Variants in ZNF383 observed in about 807,000 individuals in gnomAD.
ZNF383 encodes the protein zinc finger protein 383.
ZNF383 carries 32 observed loss-of-function variants against 44.2 expected under a neutral mutation model. The observed-to-expected ratio is 0.72, with a 90% CI of 0.55 to 0.97. The LOEUF (loss-of-function observed/expected upper bound fraction) is 0.97. Ranked by LOEUF, ZNF383 falls within the 50% of genes least tolerant of loss-of-function variation. The pLI is 0.00. For missense variants in ZNF383, 487 were observed against 562.5 expected, an observed-to-expected ratio of 0.87 and a Z score of 1.36; for synonymous variants, 155 against 186.2, an observed-to-expected ratio of 0.83 and a Z score of 1.36.
chr19:37,228,437 T>A (rs1337875907), intron 2 of ZNF383, among the ~76,000 whole-genome samples: 1 of 151,056 alleles, frequency 6.6e-6, no homozygotes, highest in Non-Finnish European at 1.5e-5. Flanking sequence ...ATAATTATAA[T>A]TTATTTTTAG....
Position 37,245,736 on chromosome 19 carries a change from G to A in ZNF383, c.*2072G>A, listed in dbSNP as rs1038381283. ...GATCCACCCACCTCGGCCTCCCAAA[G>A]TTCGGGGATTACAGGTGTGAGCCAC... On this transcript the variant is annotated 3_prime_UTR_variant, in exon 6 of 6. Transcript: ENST00000684119. 1 of 151,920 alleles carries A rather than the reference G, an allele frequency of 6.6e-6. No homozygotes were observed. The highest frequency in any genetic ancestry group is 1.5e-5 in the Non-Finnish European group (1 of 68,042). The allele number at this position is 151,920 out of a possible 1,614,324, so 9.4% of individuals were successfully genotyped here. A position where few individuals can be genotyped will look rare whatever the true frequency, so the allele number is the denominator to read the frequency against.
intron 5 of ZNF383, among the ~76,000 whole-genome samples, chr19:37,238,328 T>C (rs1029133801): frequency 1.4e-4 from 21 of 149,602 alleles, no homozygotes; most frequent in Non-Finnish European, 1.2e-4. Flanking sequence ...ATATATCACT[T>C]ACATTTATCT....
In ZNF383 at chr19:37,243,846, G is replaced by A. The variant is rs150462324; in HGVS notation, c.*182G>A. 2.9e-4 allele frequency: 137 copies of A among 468,418 alleles called. No individual in the cohort carries two copies. Among genetic ancestry groups the A allele is most frequent in the African/African-American group, 2.0e-3 (103 of 51,078 alleles). The allele number at this position is 468,418 out of a possible 1,614,324, so 29.0% of individuals were successfully genotyped here. A position where few individuals can be genotyped will look rare whatever the true frequency, so the allele number is the denominator to read the frequency against. ...TCCCTCTCTCCCCCAGTCATATACC[G>A]ATGCCAGCTGTTCTATAATTCTTTC... On this transcript the variant is annotated 3_prime_UTR_variant, in exon 6 of 6. Transcript: ENST00000684119.
intron 3 of ZNF383, among the ~76,000 whole-genome samples, chr19:37,232,633 T>G (rs1973553734): frequency 6.6e-6 from 1 of 152,226 alleles, no homozygotes. Context: ...TCTGTCATTC[T>G]TCCTTCATAG....
At chr19:37,229,310 A>G in intron 2 of ZNF383, among the ~76,000 whole-genome samples, 1 of 149,510 alleles carries the variant, frequency 6.7e-6, no homozygotes, top group East Asian at 2.0e-4. Context: ...ATGTGTCACC[A>G]TGCATGGCTA....
chr19:37,246,176 T>G lies in ZNF383; in HGVS notation c.*2512T>G, dbSNP rs1337449854. ...GGATTGCTGTGAAGAGTCAATGAAT[T>G]AATAAATGCAAAGTACCTCAAACTG... On this transcript the variant is annotated 3_prime_UTR_variant, in exon 6 of 6. Coordinates refer to ENST00000684119, the MANE Select transcript of ZNF383 (RefSeq NM_001387601.1). 6.6e-6 allele frequency: 1 copy of G among 152,182 alleles called. No individual in the cohort carries two copies. Among genetic ancestry groups the G allele is most frequent in the Non-Finnish European group, 1.5e-5 (1 of 68,044 alleles). 9.4% of individuals were successfully genotyped at this position (152,182 alleles called of 1,614,324 possible).
chr19:37,235,613 C>T lies in ZNF383; in HGVS notation c.74C>T (p.Pro25Leu). 1 of 1,614,022 alleles carries T rather than the reference C, an allele frequency of 6.2e-7. No homozygotes were observed. Among genetic ancestry groups the T allele is most frequent in the African/African-American group, 1.3e-5 (1 of 75,044 alleles). Residue 25 changes from proline to leucine, a missense_variant, in exon 4 of 6, where the codon CCT becomes CTT. Transcript: ENST00000684119. ...CAGGAGGAGTGGGACTGCCTGGACC[C>T]TGTTCAGAGGGACTTATACAGAGAT... ...FSQEEWDCLDPVQRDLYRDVM... is the reference protein window; with the variant it reads ...FSQEEWDCLDLVQRDLYRDVM...
At position 37,243,769 on chromosome 19, in the gene ZNF383, G is replaced by T; in HGVS notation, c.*105G>T. The T allele has an allele frequency of 2.8e-6, 2 of 725,530 alleles. No individual in the cohort carries two copies. Among genetic ancestry groups the T allele is most frequent in the East Asian group, 2.8e-5 (1 of 35,682 alleles). 44.9% of individuals were successfully genotyped at this position (725,530 alleles called of 1,614,324 possible). On this transcript the variant is annotated 3_prime_UTR_variant, in exon 6 of 6. Coordinates refer to ENST00000684119, the MANE Select transcript of ZNF383 (RefSeq NM_001387601.1). ...TTTTAAAACTTTGTATTTAAATTTT[G>T]TATCCAAATGTATTTCATTCCAGGT...
chr19:37,230,116 G>T (rs549155708), intron 2 of ZNF383, among the ~76,000 whole-genome samples: 1 of 152,136 alleles, frequency 6.6e-6, no homozygotes, highest in East Asian at 1.9e-4. Flanking sequence ...CTCAATCATG[G>T]GTTCAGAGCA....
chr19:37,240,915 T>C (rs1276942982), intron 5 of ZNF383, among the ~76,000 whole-genome samples: 2 of 152,210 alleles, frequency 1.3e-5, no homozygotes, highest in Non-Finnish European at 2.9e-5. Context: ...CAAGCAGTTC[T>C]TCTGCCTCAG....
intron 1 of ZNF383, among the ~76,000 whole-genome samples, chr19:37,220,590 A>G (rs1317473436): frequency 1.4e-5 from 2 of 139,328 alleles, no homozygotes; most frequent in South Asian, 4.4e-4. Context: ...TAATCCCTTT[A>G]TATTACGTAA....
At chr19:37,235,450 A>G in intron 3 of ZNF383, 99 bp from the exon 4 acceptor site, 1 of 1,231,084 alleles carries the variant, frequency 8.1e-7, no homozygotes, top group Non-Finnish European at 1.2e-6. Flanking sequence ...CAGTGACACC[A>G]ATATAATGAC....
chr19:37,228,323 T>C (rs1394704228), intron 2 of ZNF383, among the ~76,000 whole-genome samples: 2 of 152,054 alleles, frequency 1.3e-5, no homozygotes, highest in Non-Finnish European at 2.9e-5. Context: ...GTTCCTTTAG[T>C]TTCTATCTCT....
intron 3 of ZNF383, among the ~76,000 whole-genome samples, chr19:37,234,407 G>C (rs1369863582): frequency 6.6e-6 from 1 of 151,572 alleles, no homozygotes; most frequent in Non-Finnish European, 1.5e-5. Context: ...TTTATTTTTT[G>C]AGACAGAGTC....
intron 2 of ZNF383, among the ~76,000 whole-genome samples, chr19:37,227,050 G>T (rs1260653284): frequency 6.7e-6 from 1 of 150,142 alleles, no homozygotes; most frequent in Non-Finnish European, 1.5e-5. Context: ...CTCGTGATCT[G>T]CCCGCCTCGG....
chr19:37,236,573 A>ATT (rs1396588671), intron 5 of ZNF383, among the ~76,000 whole-genome samples: 21 of 134,524 alleles, frequency 1.6e-4, no homozygotes, highest in African/African-American at 4.6e-4. Flanking sequence ...CTTCTTCTGC[A>ATT]TTTTTTTTTT....
rs938222031 is a variant in ZNF383 at position 37,243,842 on chromosome 19, T to A, written c.*178T>A. 2.1e-6 allele frequency: 1 copy of A among 485,636 alleles called. No individual in the cohort carries two copies. Among genetic ancestry groups the A allele is most frequent in the Admixed American group, 3.7e-5 (1 of 27,322 alleles). 30.1% of individuals were successfully genotyped at this position (485,636 alleles called of 1,614,324 possible). On this transcript the variant is annotated 3_prime_UTR_variant, in exon 6 of 6. Coordinates refer to ENST00000684119, the MANE Select transcript of ZNF383 (RefSeq NM_001387601.1). ...ACATTCCCTCTCTCCCCCAGTCATATACCGATGCCAGCTGTTCTATAATTC... is the reference window on the plus strand; with the variant it reads ...ACATTCCCTCTCTCCCCCAGTCATAAACCGATGCCAGCTGTTCTATAATTC...
chr19:37,229,802 A>ATATT (rs1468252245), intron 2 of ZNF383, among the ~76,000 whole-genome samples: 9 of 125,350 alleles, frequency 7.2e-5, no homozygotes, highest in African/African-American at 2.5e-4. Context: ...ATATATATAT[A>ATATT]TTTTTTTTTT....
intron 1 of ZNF383, among the ~76,000 whole-genome samples, chr19:37,219,934 G>C (rs759324335): frequency 1.3e-5 from 2 of 152,014 alleles, no homozygotes; most frequent in Non-Finnish European, 2.9e-5. Context: ...TTAGAAAATA[G>C]AACAGTTTTC....
Sources: gnomAD v4.1 joint callset for allele counts (sites outside exome capture counted in the v4.1 genomes callset) on GRCh38, gnomAD v4.1.1 for gene constraint, MANE v1.5 for transcripts, NCBI Gene and HGNC (gene_info 2026-07-23, HGNC 2026-07-21) for gene names.